Variants in PITPNC1 observed in about 807,000 individuals in gnomAD.
PITPNC1 encodes the protein phosphatidylinositol transfer protein cytoplasmic 1.
A neutral mutation model predicts 44.7 loss-of-function variants in PITPNC1; 18 were observed. The observed-to-expected ratio is 0.40, with a 90% CI of 0.28 to 0.60. The LOEUF (loss-of-function observed/expected upper bound fraction) is 0.60. Among genes scored for constraint, PITPNC1 ranks in the 20% least tolerant of loss-of-function variants. PITPNC1 has a pLI of 0.39. For missense variants in PITPNC1, 290 were observed against 418.4 expected (o/e 0.69, Z 2.68); for synonymous variants, 141 against 149.6 (o/e 0.94, Z 0.42).
At chr17:67,599,032 A>ATG (rs1185599667) in intron 5 of PITPNC1, among the ~76,000 whole-genome samples, 5 of 29,280 alleles carry the variant, frequency 1.7e-4, no homozygotes, top group African/African-American at 8.0e-4. Context: ...ATATATATAT[A>ATG]TATTTTTTTT....
At chr17:67,667,319 A>C (rs998511603) in intron 6 of PITPNC1, among the ~76,000 whole-genome samples, 1 of 151,970 alleles carries the variant, frequency 6.6e-6, no homozygotes, top group African/African-American at 2.4e-5. Flanking sequence ...ACTTAAGCCT[A>C]GGAGCTTGAG....
intron 1 of PITPNC1, among the ~76,000 whole-genome samples, chr17:67,520,162 G>T (rs949403786): frequency 1.3e-5 from 2 of 152,098 alleles, no homozygotes; most frequent in African/African-American, 4.8e-5. Flanking sequence ...GGGTTGATGG[G>T]TGCATTAGGC....
chr17:67,542,096 A>G lies in PITPNC1; in HGVS notation c.197+9146A>G, dbSNP rs867009403. Reference sequence around the variant, plus strand: ...AACCCTAACTTTCTACACTCAAACTATCTATCAGTCATTGATTGTCCTGAT... The same window carrying G: ...AACCCTAACTTTCTACACTCAAACTGTCTATCAGTCATTGATTGTCCTGAT... On this transcript the variant is annotated intron_variant, in intron 2 of 8. Transcript: ENST00000581322. 1.4e-4 allele frequency among the ~76,000 whole-genome samples: 21 copies of G among 152,290 alleles called. 1 individual carries two copies. Among genetic ancestry groups the G allele is most frequent in the Middle Eastern group, 3.4e-3 (1 of 294 alleles).
intron 1 of PITPNC1, among the ~76,000 whole-genome samples, chr17:67,481,725 C>G (rs1324866706): frequency 2.6e-5 from 4 of 151,066 alleles, no homozygotes; most frequent in African/African-American, 9.7e-5. Flanking sequence ...AGGGCATTTC[C>G]TTTTGGAATT....
At chr17:67,553,456 G>A in intron 3 of PITPNC1, 154 bp from the exon 4 acceptor site, 1 of 436,086 alleles carries the variant, frequency 2.3e-6, no homozygotes, top group Non-Finnish European at 4.1e-6. Context: ...GAGACATTCA[G>A]TATTTATGAA....
chr17:67,554,674 C>T (rs1341363402), intron 4 of PITPNC1, among the ~76,000 whole-genome samples: 1 of 152,196 alleles, frequency 6.6e-6, no homozygotes, highest in Admixed American at 6.5e-5. Context: ...ATGCCCTGGG[C>T]AGGAGCATAG....
intron 1 of PITPNC1, among the ~76,000 whole-genome samples, chr17:67,391,976 C>T (rs910593192): frequency 2.6e-5 from 4 of 152,076 alleles, no homozygotes; most frequent in Non-Finnish European, 4.4e-5. Context: ...AATCATATTC[C>T]TCTTCGAAAA....
intron 1 of PITPNC1, among the ~76,000 whole-genome samples, chr17:67,409,606 C>A (rs1366166704): frequency 6.6e-6 from 1 of 151,620 alleles, no homozygotes; most frequent in Admixed American, 6.6e-5. Context: ...TGGCGTGATC[C>A]CAACTCACTG....
At chr17:67,450,397 AAATACGTAT>A (rs2039158790) in intron 1 of PITPNC1, among the ~76,000 whole-genome samples, 1 of 152,114 alleles carries the variant, frequency 6.6e-6, no homozygotes, top group South Asian at 2.1e-4. Context: ...AGCTGTAGTA[AAATACGTAT>A]AAGATAAAAA....
intron 6 of PITPNC1, among the ~76,000 whole-genome samples, chr17:67,653,555 G>A (rs1271244736): frequency 6.6e-6 from 1 of 152,134 alleles, no homozygotes; most frequent in Non-Finnish European, 1.5e-5. Flanking sequence ...TGTTGTTGTT[G>A]TTGTCTGTGA....
chr17:67,599,034 A>ATTTTT (rs1160152426), intron 5 of PITPNC1, among the ~76,000 whole-genome samples: 16 of 35,670 alleles, frequency 4.5e-4, no homozygotes, highest in East Asian at 9.2e-4. Flanking sequence ...ATATATATAT[A>ATTTTT]TTTTTTTTTT....
At chr17:67,464,755 T>TC (rs1250314352) in intron 1 of PITPNC1, among the ~76,000 whole-genome samples, 1 of 151,848 alleles carries the variant, frequency 6.6e-6, no homozygotes, top group Non-Finnish European at 1.5e-5. Flanking sequence ...TTTTTTTTTT[T>TC]TTGAGACAGA....
At chr17:67,675,928 C>T (rs992954108) in intron 8 of PITPNC1, among the ~76,000 whole-genome samples, 32 of 152,280 alleles carry the variant, frequency 2.1e-4, no homozygotes, top group African/African-American at 6.0e-4. Context: ...CACCCCTTGC[C>T]GGGCGCAGTG....
chr17:67,488,157 C>A (rs2039809426), intron 1 of PITPNC1, among the ~76,000 whole-genome samples: 1 of 152,122 alleles, frequency 6.6e-6, no homozygotes, highest in Non-Finnish European at 1.5e-5. Context: ...TTGAGTCAAC[C>A]CATCGCAGAA....
intron 4 of PITPNC1, among the ~76,000 whole-genome samples, chr17:67,570,237 C>G (rs1016113829): frequency 2.6e-5 from 4 of 152,186 alleles, no homozygotes; most frequent in African/African-American, 9.7e-5. Context: ...TGCATGAAGT[C>G]AGCAGGGGGC....
At chr17:67,432,470 C>T (rs2038871354) in intron 1 of PITPNC1, among the ~76,000 whole-genome samples, 1 of 152,070 alleles carries the variant, frequency 6.6e-6, no homozygotes, top group Non-Finnish European at 1.5e-5. Context: ...CACCACTGCA[C>T]TCCAGCATGA....
At chr17:67,402,298 A>T (rs1434920177) in intron 1 of PITPNC1, among the ~76,000 whole-genome samples, 2 of 152,200 alleles carry the variant, frequency 1.3e-5, no homozygotes, top group African/African-American at 4.8e-5. Flanking sequence ...ACCCATTTGT[A>T]GTTGGAGAGG....
chr17:67,506,685 T>G (rs2040107151), intron 1 of PITPNC1, among the ~76,000 whole-genome samples: 1 of 152,208 alleles, frequency 6.6e-6, no homozygotes, highest in Non-Finnish European at 1.5e-5. Flanking sequence ...AGAAAATTTC[T>G]TAAATTCTCA....
At chr17:67,579,985 A>G (rs1254344071) in intron 5 of PITPNC1, among the ~76,000 whole-genome samples, 2 of 152,202 alleles carry the variant, frequency 1.3e-5, no homozygotes, top group Non-Finnish European at 2.9e-5. Context: ...TGGAGAATGC[A>G]AAAAGAAAGT....
Sources: gnomAD v4.1 joint callset for allele counts (sites outside exome capture counted in the v4.1 genomes callset) on GRCh38, gnomAD v4.1.1 for gene constraint, MANE v1.5 for transcripts, NCBI Gene and HGNC (gene_info 2026-07-23, HGNC 2026-07-21) for gene names.